Variants in DIDO1 observed in about 807,000 individuals in gnomAD.
DIDO1 encodes the protein death inducer-obliterator 1, also known as death-inducer obliterator 1.
In DIDO1, 16 loss-of-function variants were observed where a neutral mutation model predicts 99.4. The ratio of observed to expected loss-of-function variants is 0.16; its 90% CI spans 0.11 to 0.24. The LOEUF is 0.24. DIDO1 is among the 10% of genes least tolerant of loss of function. DIDO1 has a pLI of 1.00. For missense variants in DIDO1, 2,996 were observed against 3,014.0 expected, an observed-to-expected ratio of 0.99 and a Z score of 0.14; for synonymous variants, 1,366 against 1,239.1, an observed-to-expected ratio of 1.10 and a Z score of -2.15.
At chr20:62,913,170 G>A (rs890237654) in intron 2 of DIDO1, among the ~76,000 whole-genome samples, 3 of 152,086 alleles carry the variant, frequency 2.0e-5, no homozygotes, top group East Asian at 1.9e-4. Context: ...TGGCCTCCAC[G>A]CTCTGTAAAC....
chr20:62,918,526 T>A (rs931687333), intron 1 of DIDO1, among the ~76,000 whole-genome samples: 19 of 152,320 alleles, frequency 1.2e-4, no homozygotes, highest in African/African-American at 4.1e-4. Context: ...ACAACCATAA[T>A]TAAGTTTCTA....
At chr20:62,903,427 G>A (rs1319680628) in intron 6 of DIDO1, among the ~76,000 whole-genome samples, 2 of 152,186 alleles carry the variant, frequency 1.3e-5, no homozygotes, top group African/African-American at 4.8e-5. Flanking sequence ...TCAGCTCATG[G>A]GACAGACCCA....
Position 62,882,251 on chromosome 20 carries a change from C to T in DIDO1, c.3705G>A (p.Pro1235=). ...VPAYPKVATV[P]QSEKKPSKYP... is the part of the protein sequence containing the mutation. ...ACTTGGAGGGCTTCTTTTCCGACTG[C>T]GGGACTGTGGCTACTTTTGGATAGG... The change falls in exon 16 of 16, where the codon CCG becomes CCA. Residue 1235 remains proline (P), a synonymous_variant. Coordinates refer to ENST00000395343, the MANE Select transcript of DIDO1 (RefSeq NM_001193369.2). 4 of 1,613,960 alleles carry T rather than the reference C, an allele frequency of 2.5e-6. No individual in the cohort carries two copies. The highest frequency in any genetic ancestry group is 2.2e-5 in the East Asian group (1 of 44,892).
At chr20:62,932,729 C>CA (rs1458740961) in intron 1 of DIDO1, among the ~76,000 whole-genome samples, 1 of 152,130 alleles carries the variant, frequency 6.6e-6, no homozygotes, top group East Asian at 1.9e-4. Context: ...AAATAAAAAT[C>CA]AAGAAAAGAT....
At chr20:62,895,650 T>C (rs1437027417) in intron 8 of DIDO1, among the ~76,000 whole-genome samples, 1 of 152,214 alleles carries the variant, frequency 6.6e-6, no homozygotes, top group African/African-American at 2.4e-5. Flanking sequence ...TGGAGGCCGA[T>C]GGAGAGAGAA....
At chr20:62,922,101 TATATATATACACAC>T (rs1568885556) in intron 1 of DIDO1, among the ~76,000 whole-genome samples, 2 of 125,752 alleles carry the variant, frequency 1.6e-5, no homozygotes, top group Non-Finnish European at 3.3e-5. Flanking sequence ...ATATACACAC[TATATATATACACAC>T]ACACACACAC....
intron 6 of DIDO1, among the ~76,000 whole-genome samples, chr20:62,900,395 G>T (rs137900646): frequency 9.8e-5 from 15 of 152,382 alleles, no homozygotes; most frequent in African/African-American, 3.4e-4. Context: ...GCAGAAGGCT[G>T]GCTGGCTTGG....
At chr20:62,898,688 T>G (rs2064592728) in intron 6 of DIDO1, among the ~76,000 whole-genome samples, 1 of 152,156 alleles carries the variant, frequency 6.6e-6, no homozygotes, top group Non-Finnish European at 1.5e-5. Context: ...AAGCCCTGTC[T>G]CCTCACCCAC....
At chr20:62,905,701 C>G in intron 6 of DIDO1, 186 bp downstream of exon 6, 1 of 1,609,552 alleles carries the variant, frequency 6.2e-7, no homozygotes, top group Middle Eastern at 1.7e-4. Context: ...TCCTGACAGA[C>G]TAGGGATGGA....
At chr20:62,927,863 T>TGTCA (rs1032634645), upstream of DIDO1, among the ~76,000 whole-genome samples, 4 of 152,248 alleles carry the variant, frequency 2.6e-5, no homozygotes, top group African/African-American at 4.8e-5. Flanking sequence ...AGGGATGGGC[T>TGTCA]TGACAGTCTT....
chr20:62,926,236 C>T (rs1270355298), intron 1 of DIDO1, among the ~76,000 whole-genome samples: 1 of 142,188 alleles, frequency 7.0e-6, no homozygotes, highest in African/African-American at 2.8e-5. Context: ...GCCGCGGCGG[C>T]TCTGACCGGC....
chr20:62,937,335 T>C (rs963210890), intron 1 of DIDO1, among the ~76,000 whole-genome samples: 1 of 152,124 alleles, frequency 6.6e-6, no homozygotes, highest in African/African-American at 2.4e-5. Context: ...AACGCGCAAA[T>C]ACCCAAGTGC....
In DIDO1 at chr20:62,882,419, AAAAC is replaced by A; in HGVS notation, c.3542-9_3542-6del. ...TCGGACGTGGTGACTCAAGACCTGA[AAAAC>A]AAAATATTTGTGCAAATTTTAGAAT... On this transcript the variant is annotated splice_region_variant and splice_polypyrimidine_tract_variant and intron_variant, in intron 15 of 15. Transcript: ENST00000395343. The A allele has an allele frequency of 4.4e-6, 7 of 1,597,184 alleles. No homozygotes were observed. Among genetic ancestry groups the A allele is most frequent in the Non-Finnish European group, 6.0e-6 (7 of 1,171,394 alleles).
Position 62,893,902 on chromosome 20 carries a change from G to A in DIDO1, c.2865C>T (p.Ser955=), listed in dbSNP as rs751855878. The change falls in exon 12 of 16, where the codon AGC becomes AGT. Residue 955 remains serine (S), a synonymous_variant. Coordinates refer to ENST00000395343, the MANE Select transcript of DIDO1 (RefSeq NM_001193369.2). ...DLSPCPASCG[S]GVVTTVTVSG... is the part of the protein sequence containing the mutation. ...ACACTGTGACGGTGGTGACCACCCCGCTCCCACAGGAGGCTGGGCAGGGGG... is the reference window on the plus strand; with the variant it reads ...ACACTGTGACGGTGGTGACCACCCCACTCCCACAGGAGGCTGGGCAGGGGG... The A allele has an allele frequency of 2.1e-4, 345 of 1,610,836 alleles. No individual in the cohort carries two copies. Among genetic ancestry groups the A allele is most frequent in the Non-Finnish European group, 2.9e-4 (341 of 1,177,672 alleles).
chr20:62,918,107 C>T (rs1273244492), intron 1 of DIDO1, among the ~76,000 whole-genome samples: 2 of 152,190 alleles, frequency 1.3e-5, no homozygotes, highest in Non-Finnish European at 2.9e-5. Flanking sequence ...CTCAGATTCC[C>T]CAACTCACCA....
In DIDO1 at chr20:62,896,655, G is replaced by C. The variant is rs1416391590; in HGVS notation, c.1930C>G (p.Pro644Ala). 1 of 1,614,118 alleles carries C rather than the reference G, an allele frequency of 6.2e-7. No individual in the cohort carries two copies. The highest frequency in any genetic ancestry group is 1.3e-5 in the African/African-American group (1 of 75,074). ...LVGAVRKPVV[P>A]SVPMASPAPG... ...GCTGGCGAGGCCATTGGAACAGAAG[G>C]TACCACTGGCTTCCTTACGGCTCCC... Residue 644 changes from proline (P) to alanine (A), a missense_variant, in exon 7 of 16, where the codon CCT (proline) becomes GCT (alanine). Transcript: ENST00000395343. This position sits in a 1 kb window ranked among gnomAD's most constrained non-coding sequence, Gnocchi z 4.4.
chr20:62,884,044 G>C (rs894798454), intron 15 of DIDO1, among the ~76,000 whole-genome samples: 1 of 152,116 alleles, frequency 6.6e-6, no homozygotes, highest in African/African-American at 2.4e-5. Context: ...TAGAAATTCA[G>C]TGAGCATTAA....
chr20:62,897,501 G>C (rs16983342), intron 6 of DIDO1, among the ~76,000 whole-genome samples: 2,960 of 152,266 alleles, frequency 0.019, 103 homozygotes, highest in African/African-American at 0.068. Context: ...TCCATTGGAG[G>C]CGATGCCATT....
chr20:62,893,797 G>C lies in DIDO1; in HGVS notation c.2970C>G (p.His990Gln). Residue 990 changes from histidine to glutamine, a missense_variant, in exon 12 of 16, where the codon CAC becomes CAG. Transcript: ENST00000395343. ...ASAASRPDST[H>Q]MVEARQDVPK... Reference sequence around the variant, plus strand: ...GCACATCCTGTCTGGCTTCCACCATGTGGGTGCTGTCTGGGCGGGATGCTG... The same window carrying C: ...GCACATCCTGTCTGGCTTCCACCATCTGGGTGCTGTCTGGGCGGGATGCTG... 2 of 1,614,174 alleles carry C rather than the reference G, an allele frequency of 1.2e-6. No homozygotes were observed. The highest frequency in any genetic ancestry group is 8.5e-7 in the Non-Finnish European group (1 of 1,180,042).
Sources: allele counts gnomAD v4.1 joint callset (sites outside exome capture counted in the v4.1 genomes callset), GRCh38; gene constraint gnomAD v4.1.1; non-coding constraint Gnocchi (gnomAD v3.1); transcripts MANE v1.5; gene names NCBI Gene and HGNC (gene_info 2026-07-23, HGNC 2026-07-21).